The following PDE4B variants were observed in gnomAD, a reference collection of about 807,000 sequenced individuals.
The protein encoded by PDE4B is 3',5'-cyclic-AMP phosphodiesterase 4B.
A neutral mutation model predicts 82.2 loss-of-function variants in PDE4B; 20 were observed. The observed-to-expected ratio is 0.24, with a 90% CI of 0.17 to 0.35. PDE4B has a LOEUF of 0.35. Ranked by LOEUF, PDE4B falls within the 10% of genes least tolerant of loss-of-function variation. PDE4B has a pLI of 1.00. For missense variants in PDE4B, 655 were observed against 907.2 expected, an observed-to-expected ratio of 0.72 and a Z score of 3.57; for synonymous variants, 320 against 318.9, an observed-to-expected ratio of 1.00 and a Z score of -0.04.
chr1:65,956,547 C>T (rs919533351), intron 3 of PDE4B, among the ~76,000 whole-genome samples: 1 of 152,026 alleles, frequency 6.6e-6, no homozygotes, highest in Non-Finnish European at 1.5e-5. Flanking sequence ...ATATAGATTG[C>T]GGTTTCTTGA....
At chr1:65,896,064 A>G (rs1321752776) in intron 1 of PDE4B, among the ~76,000 whole-genome samples, 1 of 151,808 alleles carries the variant, frequency 6.6e-6, no homozygotes, top group Non-Finnish European at 1.5e-5. Context: ...TATTTGTTTT[A>G]AAAAATGATC....
At chr1:65,859,764 A>G (rs1176535696) in intron 1 of PDE4B, among the ~76,000 whole-genome samples, 1 of 152,336 alleles carries the variant, frequency 6.6e-6, no homozygotes, top group East Asian at 1.9e-4. Context: ...GTTGGCAACT[A>G]TCTTTTAGAA....
At chr1:65,989,088 G>A (rs1485422074) in intron 3 of PDE4B, among the ~76,000 whole-genome samples, 8 of 151,904 alleles carry the variant, frequency 5.3e-5, no homozygotes, top group Non-Finnish European at 8.8e-5. Flanking sequence ...AATAAGTAAT[G>A]CATTATTTAA....
At chr1:66,196,200 A>C (rs1230307311) in intron 3 of PDE4B, among the ~76,000 whole-genome samples, 1 of 152,216 alleles carries the variant, frequency 6.6e-6, no homozygotes, top group Non-Finnish European at 1.5e-5. Flanking sequence ...ATAGCATAGG[A>C]AGGAGTTCTG....
intron 9 of PDE4B, among the ~76,000 whole-genome samples, chr1:66,356,179 T>G (rs995565317): frequency 6.6e-6 from 1 of 152,228 alleles, no homozygotes; most frequent in Non-Finnish European, 1.5e-5. Flanking sequence ...AATTTTAATA[T>G]TATCTGAAGG....
At chr1:66,198,518 T>C (rs1041675170) in intron 3 of PDE4B, among the ~76,000 whole-genome samples, 2 of 152,120 alleles carry the variant, frequency 1.3e-5, no homozygotes, top group African/African-American at 2.4e-5. Context: ...ACAATAGAAA[T>C]ACATGTGTTT....
intron 3 of PDE4B, among the ~76,000 whole-genome samples, chr1:65,923,482 G>A (rs1382123341): frequency 6.6e-6 from 1 of 152,060 alleles, no homozygotes; most frequent in Non-Finnish European, 1.5e-5. Flanking sequence ...CAATACATTA[G>A]CATTATTTTT....
intron 2 of PDE4B, among the ~76,000 whole-genome samples, chr1:65,915,804 A>G (rs1647153543): frequency 6.6e-6 from 1 of 152,180 alleles, no homozygotes; most frequent in Non-Finnish European, 1.5e-5. Flanking sequence ...TTTTAAACAA[A>G]CAGTTATTCA....
At chr1:66,079,370 A>AG (rs1283131871) in intron 3 of PDE4B, among the ~76,000 whole-genome samples, 1 of 152,096 alleles carries the variant, frequency 6.6e-6, no homozygotes, top group African/African-American at 2.4e-5. Flanking sequence ...AGGGAGCTTG[A>AG]GGATTTGGAC....
intron 3 of PDE4B, among the ~76,000 whole-genome samples, chr1:66,160,357 T>C (rs937605): frequency 0.68 from 102,697 of 152,124 alleles, 35,043 homozygotes; most frequent in Middle Eastern, 0.7. Context: ...TGCTTATGTC[T>C]ATTTAATTGG....
At chr1:66,240,036 A>G (rs4655831) in intron 3 of PDE4B, among the ~76,000 whole-genome samples, 31,450 of 152,224 alleles carry the variant, frequency 0.21, 6,730 homozygotes, top group African/African-American at 0.53. Context: ...CTTTGGGCTT[A>G]GAGCCCTGTG....
chr1:66,036,191 G>A (rs527791528), intron 3 of PDE4B, among the ~76,000 whole-genome samples: 1 of 152,140 alleles, frequency 6.6e-6, no homozygotes, highest in South Asian at 2.1e-4. Flanking sequence ...TTGTTATTGA[G>A]TAGTTTGAGT....
At chr1:66,273,213 C>G (rs1016475653) in intron 7 of PDE4B, among the ~76,000 whole-genome samples, 41 of 152,188 alleles carry the variant, frequency 2.7e-4, no homozygotes, top group African/African-American at 1.4e-4. Context: ...GCTGCCACCC[C>G]CCTGCACAAC....
At chr1:65,914,031 G>A (rs1569659093) in intron 2 of PDE4B, among the ~76,000 whole-genome samples, 1 of 152,184 alleles carries the variant, frequency 6.6e-6, no homozygotes, top group African/African-American at 2.4e-5. Flanking sequence ...GCTTTCAATT[G>A]ACCAATCCTT....
chr1:65,951,658 C>T (rs191489794), intron 3 of PDE4B, among the ~76,000 whole-genome samples: 2 of 152,076 alleles, frequency 1.3e-5, no homozygotes. Context: ...GTGATGCAGG[C>T]CAAAGTGTTT....
At chr1:66,156,892 G>A (rs893816834) in intron 3 of PDE4B, among the ~76,000 whole-genome samples, 4 of 152,016 alleles carry the variant, frequency 2.6e-5, no homozygotes, top group South Asian at 2.1e-4. Flanking sequence ...TAATGGTCCC[G>A]CTCCTCAGTT....
intron 1 of PDE4B, among the ~76,000 whole-genome samples, chr1:65,887,186 T>TTTTCTTTC (rs766627917): frequency 0.012 from 744 of 60,100 alleles, 35 homozygotes; most frequent in South Asian, 0.026. Flanking sequence ...CTCCCTCCCT[T>TTTTCTTTC]TTTCTTTCTT....
intron 3 of PDE4B, among the ~76,000 whole-genome samples, chr1:66,203,059 T>G (rs941781304): frequency 6.7e-6 from 1 of 149,288 alleles, no homozygotes; most frequent in African/African-American, 2.5e-5. Context: ...ACAAAATCTC[T>G]CAGCATTTGC....
chr1:66,345,760 G>A (rs1044801979), intron 8 of PDE4B, among the ~76,000 whole-genome samples: 1 of 152,130 alleles, frequency 6.6e-6, no homozygotes, highest in African/African-American at 2.4e-5. Flanking sequence ...CCTAATTCCA[G>A]CTTTCTAATT....
Sources: allele counts gnomAD v4.1 joint callset (sites outside exome capture counted in the v4.1 genomes callset), GRCh38; gene constraint gnomAD v4.1.1; transcripts MANE v1.5; gene names NCBI Gene and HGNC (gene_info 2026-07-23, HGNC 2026-07-21).